The following DEPDC7 variants were observed in gnomAD, a reference collection of about 807,000 sequenced individuals.
DEPDC7 encodes DEP domain containing 7, also known as DEP domain-containing protein 7.
A neutral mutation model predicts 56.6 loss-of-function variants in DEPDC7; 41 were observed. That is an observed-to-expected ratio of 0.72 (90% CI 0.56 to 0.94). The LOEUF (loss-of-function observed/expected upper bound fraction) is 0.94, where lower values mean the gene tolerates loss of function less well. DEPDC7 is among the 40% of genes least tolerant of loss of function. The pLI is 0.00. For missense variants in DEPDC7, 522 were observed against 596.3 expected, an observed-to-expected ratio of 0.88 and a Z score of 1.30; for synonymous variants, 185 against 208.8, an observed-to-expected ratio of 0.89 and a Z score of 0.98.
intron 1 of DEPDC7, 108 bp from the exon 2 acceptor site, chr11:33,025,551 A>G: frequency 1.8e-6 from 2 of 1,081,252 alleles, no homozygotes; most frequent in Middle Eastern, 2.1e-4. Flanking sequence ...ATTGCTCCTT[A>G]TCAATAACTT....
At chr11:33,025,602 T>C in intron 1 of DEPDC7, 57 bp from the exon 2 acceptor site, 1 of 1,525,536 alleles carries the variant, frequency 6.6e-7, no homozygotes, top group Non-Finnish European at 8.9e-7. Context: ...GCTTAGACCT[T>C]ATTACAAATG....
intron 1 of DEPDC7, among the ~76,000 whole-genome samples, chr11:33,023,229 C>CA (rs753650378): frequency 0.018 from 1,441 of 81,888 alleles, 9 homozygotes; most frequent in Non-Finnish European, 0.024. Context: ...GACTCTGTCT[C>CA]AAAAAAAAAA....
chr11:33,016,090 C>T, intron 1 of DEPDC7, 62 bp downstream of exon 1: 1 of 1,309,332 alleles, frequency 7.6e-7, no homozygotes, highest in Non-Finnish European at 9.7e-7. Flanking sequence ...CGGGCTGGGT[C>T]CCGGCGCGGG....
chr11:33,019,427 AG>A (rs1231206655), intron 1 of DEPDC7, among the ~76,000 whole-genome samples: 1 of 151,998 alleles, frequency 6.6e-6, no homozygotes, highest in African/African-American at 2.4e-5. Context: ...GCACTTTGGG[AG>A]GTTGAGGCAG....
chr11:33,025,586 A>C (rs1273897904), intron 1 of DEPDC7, 73 bp from the exon 2 acceptor site: 3 of 1,436,110 alleles, frequency 2.1e-6, no homozygotes, highest in Non-Finnish European at 2.8e-6. Flanking sequence ...TTTTTGCCTA[A>C]GGATTGCTTA....
rs1461748962 is a variant in DEPDC7, at chr11:33,031,497, TTC to T, written c.904_905del (p.Leu302ValfsTer2). 6.2e-7 allele frequency: 1 copy of T among 1,614,058 alleles called. No individual in the cohort carries two copies. The highest frequency in any genetic ancestry group is 2.2e-5 in the East Asian group (1 of 44,890). On this transcript the variant is annotated frameshift_variant, in exon 5 of 9. Coordinates refer to ENST00000241051, the MANE Select transcript of DEPDC7 (RefSeq NM_001077242.2). LOFTEE classifies it high-confidence loss of function. ...GACCGAACAGACTTAGTGAAAGAAC[TTC>T]TGTTTGATGCCATTGGCAGATATTA...
intron 1 of DEPDC7, chr11:33,016,518 C>G (rs772381311): frequency 2.5e-6 from 4 of 1,613,866 alleles, no homozygotes; most frequent in Non-Finnish European, 8.5e-7. Flanking sequence ...CAGCTTGTCT[C>G]CCCAGACTCT....
chr11:33,031,483 C>T lies in DEPDC7; in HGVS notation c.888C>T (p.Asp296=). Residue 296 remains aspartate, a synonymous_variant, in exon 5 of 9, where the codon GAC becomes GAT. Coordinates refer to ENST00000241051, the MANE Select transcript of DEPDC7 (RefSeq NM_001077242.2). ...RSFPEQPDRT[D]LVKELLFDAI... ...TTCCTGAGCAACCAGACCGAACAGA[C>T]TTAGTGAAAGAACTTCTGTTTGATG... 2 of 1,614,120 alleles carry T rather than the reference C, an allele frequency of 1.2e-6. No individual in the cohort carries two copies. Among genetic ancestry groups the T allele is most frequent in the Non-Finnish European group, 8.5e-7 (1 of 1,179,988 alleles).
At chr11:33,023,162 G>A (rs556595446) in intron 1 of DEPDC7, among the ~76,000 whole-genome samples, 2 of 151,484 alleles carry the variant, frequency 1.3e-5, no homozygotes, top group East Asian at 3.9e-4. Context: ...CCCAGGAGGC[G>A]GAGCTTGCAG....
rs1853655721 is a variant in DEPDC7, at chr11:33,033,474, TAA to T, written c.*20_*21del. The stretch of plus-strand genomic sequence containing the variant: ...AGACTGAGTTTTTAATATCTGTATA[TAA>T]GTTGTGTATTTTAAGAATAAATTAT... On this transcript the variant is annotated 3_prime_UTR_variant, in exon 9 of 9. Transcript: ENST00000241051. The T allele has an allele frequency of 1.4e-6, 2 of 1,428,358 alleles. No homozygotes were observed. Among genetic ancestry groups the T allele is most frequent in the African/African-American group, 2.9e-5 (2 of 68,694 alleles). 88.5% of individuals were successfully genotyped at this position (1,428,358 alleles called of 1,614,324 possible).
At chr11:33,023,152 C>A (rs1033332794) in intron 1 of DEPDC7, among the ~76,000 whole-genome samples, 1 of 151,608 alleles carries the variant, frequency 6.6e-6, no homozygotes, top group East Asian at 1.9e-4. Flanking sequence ...ATGGCATGAA[C>A]CCAGGAGGCG....
chr11:33,024,487 TG>T (rs1324316336), intron 1 of DEPDC7, among the ~76,000 whole-genome samples: 2 of 151,580 alleles, frequency 1.3e-5, no homozygotes, highest in Non-Finnish European at 2.9e-5. Context: ...GGATATGTTC[TG>T]AGAAATGTGT....
intron 1 of DEPDC7, among the ~76,000 whole-genome samples, chr11:33,023,195 A>G (rs1266591459): frequency 6.6e-6 from 1 of 150,998 alleles, no homozygotes; most frequent in East Asian, 1.9e-4. Flanking sequence ...ACGCCACTGC[A>G]CTCCAGCCTG....
Position 33,033,358 on chromosome 11 carries a change from A to G in DEPDC7, c.1439A>G (p.Asp480Gly). The G allele has an allele frequency of 6.2e-7, 1 of 1,611,882 alleles. No homozygotes were observed. Among genetic ancestry groups the G allele is most frequent in the Non-Finnish European group, 8.5e-7 (1 of 1,179,122 alleles). ...CTGTTGAATTTACTAAAAACTCTTG[A>G]TGAGGATTCAAAACTTTCTGCCAAA... is the stretch of plus-strand genomic sequence containing the variant. Reference protein sequence around the residue: ...DELLNLLKTLDEDSKLSAKEK... With the variant: ...DELLNLLKTLGEDSKLSAKEK... Residue 480 changes from aspartate to glycine, a missense_variant, in exon 9 of 9, where the codon GAT becomes GGT. By Grantham distance (94) the Asp-to-Gly change is moderately conservative (BLOSUM62 -1). Coordinates refer to ENST00000241051, the MANE Select transcript of DEPDC7 (RefSeq NM_001077242.2).
Position 33,027,830 on chromosome 11 carries a change from G to A in DEPDC7, c.592+17G>A. On this transcript the variant is annotated intron_variant, in intron 3 of 8. Coordinates refer to ENST00000241051, the MANE Select transcript of DEPDC7 (RefSeq NM_001077242.2). ...CTCCACAAGGTAAGCTAAGGATGAA[G>A]CAAAGTAAGAAGTAGAAGACAAACT... 6.6e-7 allele frequency: 1 copy of A among 1,519,004 alleles called. No homozygotes were observed. Among genetic ancestry groups the A allele is most frequent in the Non-Finnish European group, 8.8e-7 (1 of 1,141,486 alleles). 94.1% of individuals were successfully genotyped at this position (1,519,004 alleles called of 1,614,324 possible). A position where few individuals can be genotyped will look rare whatever the true frequency, so the allele number is the denominator to read the frequency against.
intron 3 of DEPDC7, 162 bp downstream of exon 3, chr11:33,027,975 A>G: frequency 1.6e-6 from 1 of 637,904 alleles, no homozygotes; most frequent in Non-Finnish European, 2.4e-6. Flanking sequence ...GAAGTCTATT[A>G]TCTTTAACAA....
At chr11:33,026,792 T>TCTTTCCTTTC (rs1250466357) in intron 2 of DEPDC7, 1 of 97,040 alleles carries the variant, frequency 1.0e-5, no homozygotes, top group African/African-American at 3.0e-5. Context: ...TCTTTTCTTT[T>TCTTTCCTTTC]CTTTTTTTTC....
At chr11:33,029,489 C>CAA (rs10610753) in intron 4 of DEPDC7, among the ~76,000 whole-genome samples, 12 of 93,154 alleles carry the variant, frequency 1.3e-4, no homozygotes, top group Admixed American at 3.8e-4. Context: ...GAGAATGTCT[C>CAA]AAAAAAAAAA....
intron 1 of DEPDC7, 97 bp from the exon 2 acceptor site, chr11:33,025,562 T>C: frequency 8.4e-7 from 1 of 1,184,938 alleles, no homozygotes; most frequent in Non-Finnish European, 1.2e-6. Flanking sequence ...TCAATAACTT[T>C]GGAAATTACC....
Sources: gnomAD v4.1 joint callset for allele counts (sites outside exome capture counted in the v4.1 genomes callset) on GRCh38, gnomAD v4.1.1 for gene constraint, MANE v1.5 for transcripts, NCBI Gene and HGNC (gene_info 2026-07-23, HGNC 2026-07-21) for gene names.